CTNNA3: variants seen among roughly 807,000 people sequenced by gnomAD.
CTNNA3 encodes catenin alpha 3.
Under a neutral mutation model 95.7 loss-of-function variants are expected in CTNNA3, and 76 were observed. The ratio of observed to expected loss-of-function variants is 0.79; its 90% CI spans 0.66 to 0.96. CTNNA3 has a LOEUF of 0.96. Ranked by LOEUF, CTNNA3 falls within the 40% of genes least tolerant of loss-of-function variation. CTNNA3 has a pLI of 0.00. For missense variants in CTNNA3, 1,191 were observed against 1,089.8 expected (o/e 1.09, Z -1.31); for synonymous variants, 431 against 374.4 (o/e 1.15, Z -1.74).
intron 7 of CTNNA3, among the ~76,000 whole-genome samples, chr10:66,930,791 A>G (rs1174258592): frequency 6.6e-6 from 1 of 152,174 alleles, no homozygotes; most frequent in Non-Finnish European, 1.5e-5. Flanking sequence ...GCCTAACTTT[A>G]CTAATAAACA....
chr10:67,640,598 C>G (rs1839495206), intron 2 of CTNNA3, among the ~76,000 whole-genome samples: 3 of 152,186 alleles, frequency 2.0e-5, no homozygotes, highest in Non-Finnish European at 4.4e-5. Context: ...TACCTGACTT[C>G]AAACTATACT....
At chr10:66,553,586 G>A (rs1842295240) in intron 10 of CTNNA3, among the ~76,000 whole-genome samples, 1 of 135,566 alleles carries the variant, frequency 7.4e-6, no homozygotes, top group Admixed American at 8.3e-5. Flanking sequence ...GAGTGCAGTG[G>A]CGCCCATCTT....
intron 7 of CTNNA3, among the ~76,000 whole-genome samples, chr10:67,050,977 C>A (rs368842406): frequency 6.6e-6 from 1 of 152,104 alleles, no homozygotes; most frequent in South Asian, 2.1e-4. Context: ...CCCACAACAA[C>A]AAATATTTAT....
At chr10:66,394,550 TAAAAAAAA>T (rs71035137) in intron 11 of CTNNA3, among the ~76,000 whole-genome samples, 7 of 128,162 alleles carry the variant, frequency 5.5e-5, no homozygotes, top group African/African-American at 1.7e-4. Flanking sequence ...AGCACTGGGT[TAAAAAAAA>T]AAAAAAAAAA....
At chr10:67,197,067 T>C (rs1904649) in intron 6 of CTNNA3, among the ~76,000 whole-genome samples, 55,383 of 151,954 alleles carry the variant, frequency 0.36, 14,404 homozygotes, top group African/African-American at 0.74. Flanking sequence ...AACTAAAGTA[T>C]ATGCCCCAAT....
chr10:66,575,475 G>T (rs1478790960), intron 10 of CTNNA3, among the ~76,000 whole-genome samples: 1 of 152,070 alleles, frequency 6.6e-6, no homozygotes, highest in African/African-American at 2.4e-5. Context: ...AACTGAAAAT[G>T]ATACTTGCAA....
chr10:67,407,489 C>T (rs1174396242), intron 5 of CTNNA3, among the ~76,000 whole-genome samples: 1 of 152,088 alleles, frequency 6.6e-6, no homozygotes, highest in African/African-American at 2.4e-5. Flanking sequence ...GGAAGCATTC[C>T]CCTTAAAAAC....
chr10:67,051,357 C>T (rs1346557800), intron 7 of CTNNA3, among the ~76,000 whole-genome samples: 1 of 152,172 alleles, frequency 6.6e-6, no homozygotes, highest in African/African-American at 2.4e-5. Flanking sequence ...TAGTAGCCAC[C>T]AAAAGATATT....
At chr10:67,719,110 T>A (rs1377341243) in intron 1 of CTNNA3, among the ~76,000 whole-genome samples, 1 of 152,208 alleles carries the variant, frequency 6.6e-6, no homozygotes, top group African/African-American at 2.4e-5. Context: ...TACAGTATTC[T>A]CTGATGGTAG....
intron 9 of CTNNA3, among the ~76,000 whole-genome samples, chr10:66,711,776 CA>C (rs989450211): frequency 6.6e-6 from 1 of 152,038 alleles, no homozygotes. Context: ...ATCCTGGTCT[CA>C]CCAGGATGGT....
intron 1 of CTNNA3, among the ~76,000 whole-genome samples, chr10:67,690,602 G>A (rs1016442586): frequency 5.3e-5 from 8 of 152,024 alleles, no homozygotes; most frequent in South Asian, 2.1e-4. Context: ...TGATTGGTGC[G>A]TTTACAAACC....
intron 3 of CTNNA3, among the ~76,000 whole-genome samples, chr10:67,550,498 A>G (rs1035665016): frequency 7.9e-5 from 12 of 152,176 alleles, no homozygotes; most frequent in Non-Finnish European, 1.2e-4. Flanking sequence ...TTATGGAAAC[A>G]CATAGAATAA....
chr10:66,251,291 TA>T (rs967164027), intron 13 of CTNNA3, among the ~76,000 whole-genome samples: 4 of 119,218 alleles, frequency 3.4e-5, no homozygotes, highest in African/African-American at 1.2e-4. Context: ...ACCAAATGAT[TA>T]AGATTATACC....
At chr10:66,726,124 G>A (rs923035864) in intron 9 of CTNNA3, among the ~76,000 whole-genome samples, 1 of 151,908 alleles carries the variant, frequency 6.6e-6, no homozygotes, top group African/African-American at 2.4e-5. Flanking sequence ...ATAAGAGCTC[G>A]ACATAATGTA....
chr10:67,346,553 T>C (rs904694600), intron 5 of CTNNA3: 1 of 168,366 alleles, frequency 5.9e-6, no homozygotes, highest in Non-Finnish European at 1.3e-5. Flanking sequence ...ATTAAATTAA[T>C]GAATAAATGG....
At chr10:66,452,074 T>C (rs1000989151) in intron 11 of CTNNA3, among the ~76,000 whole-genome samples, 11 of 152,308 alleles carry the variant, frequency 7.2e-5, no homozygotes, top group Admixed American at 1.3e-4. Flanking sequence ...CTAGTTTTGC[T>C]AAGGACTTTC....
At chr10:66,084,495 A>G (rs2080903446) in intron 14 of CTNNA3, among the ~76,000 whole-genome samples, 1 of 152,216 alleles carries the variant, frequency 6.6e-6, no homozygotes, top group African/African-American at 2.4e-5. Flanking sequence ...ATGATTTCTA[A>G]AATTCTAGAT....
chr10:66,960,581 G>C (rs560397710), intron 7 of CTNNA3, among the ~76,000 whole-genome samples: 1 of 152,308 alleles, frequency 6.6e-6, no homozygotes, highest in South Asian at 2.1e-4. Context: ...CAAGAGAAAA[G>C]AGAGAAAAAC....
intron 12 of CTNNA3, among the ~76,000 whole-genome samples, chr10:66,365,890 A>G (rs1478677318): frequency 1.3e-5 from 2 of 152,078 alleles, no homozygotes; most frequent in Non-Finnish European, 2.9e-5. Flanking sequence ...AAACATATGA[A>G]TAAGCTTGGA....
Sources: gnomAD v4.1 joint callset for allele counts (sites outside exome capture counted in the v4.1 genomes callset) on GRCh38, gnomAD v4.1.1 for gene constraint, MANE v1.5 for transcripts, NCBI Gene and HGNC (gene_info 2026-07-23, HGNC 2026-07-21) for gene names.